Variants in CA10 observed in about 807,000 individuals in gnomAD.
CA10 encodes the protein carbonic anhydrase-related protein 10.
CA10 carries 14 observed loss-of-function variants against 44.2 expected under a neutral mutation model. That is an observed-to-expected ratio of 0.32 (90% confidence interval 0.21 to 0.50). CA10 has a LOEUF of 0.50. Among genes scored for constraint, CA10 ranks in the 20% least tolerant of loss-of-function variants. The pLI is 0.99. For missense variants in CA10, 350 were observed against 409.7 expected (o/e 0.85, Z 1.26); for synonymous variants, 159 against 141.6 (o/e 1.12, Z -0.87).
At chr17:51,869,434 A>T (rs753215141) in intron 3 of CA10, among the ~76,000 whole-genome samples, 34 of 152,140 alleles carry the variant, frequency 2.2e-4, no homozygotes, top group Non-Finnish European at 3.7e-4. Context: ...GTGAAAGTTT[A>T]CTCCTGAGGC....
At chr17:52,076,643 T>C (rs534130761) in intron 1 of CA10, among the ~76,000 whole-genome samples, 2 of 152,328 alleles carry the variant, frequency 1.3e-5, no homozygotes, top group East Asian at 3.9e-4. Flanking sequence ...GGCCTCATAC[T>C]GTTTGGTAAT....
At chr17:52,057,655 A>G (rs1394008738) in intron 2 of CA10, among the ~76,000 whole-genome samples, 1 of 152,064 alleles carries the variant, frequency 6.6e-6, no homozygotes, top group Non-Finnish European at 1.5e-5. Context: ...TGTATTGTTA[A>G]AACTCAACAG....
intron 1 of CA10, among the ~76,000 whole-genome samples, chr17:52,116,915 C>T (rs1988910129): frequency 6.6e-6 from 1 of 152,072 alleles, no homozygotes; most frequent in Non-Finnish European, 1.5e-5. Context: ...ATCTGGTATG[C>T]TTTGCGTGTC....
intron 3 of CA10, among the ~76,000 whole-genome samples, chr17:51,905,210 C>CA (rs1457378211): frequency 6.6e-6 from 1 of 152,116 alleles, no homozygotes; most frequent in African/African-American, 2.4e-5. Flanking sequence ...TTCCCTGTGG[C>CA]ACTAAGACAG....
chr17:51,791,206 C>T (rs1008716144), intron 3 of CA10, among the ~76,000 whole-genome samples: 3 of 152,188 alleles, frequency 2.0e-5, no homozygotes, highest in Admixed American at 1.3e-4. Context: ...AATAGAAGAG[C>T]TAGACTAAGG....
intron 1 of CA10, among the ~76,000 whole-genome samples, chr17:52,079,472 A>T (rs921074961): frequency 6.7e-6 from 1 of 149,862 alleles, no homozygotes; most frequent in African/African-American, 2.5e-5. Flanking sequence ...AAAAAAAAAA[A>T]TTCCATTATT....
chr17:51,668,042 A>G (rs1378431592), intron 4 of CA10, among the ~76,000 whole-genome samples: 2 of 152,158 alleles, frequency 1.3e-5, no homozygotes, highest in African/African-American at 4.8e-5. Context: ...CCCAGGCCCA[A>G]CCATTCAGCA....
intron 3 of CA10, among the ~76,000 whole-genome samples, chr17:51,892,671 T>A (rs995203888): frequency 7.9e-5 from 12 of 152,136 alleles, no homozygotes; most frequent in Admixed American, 7.2e-4. Context: ...GCTAAGGCAG[T>A]TGGTGTGTTA....
intron 2 of CA10, 119 bp downstream of exon 2, chr17:52,072,200 A>G: frequency 1.5e-6 from 1 of 663,396 alleles, no homozygotes; most frequent in Non-Finnish European, 2.6e-6. Flanking sequence ...TTGATGGAGT[A>G]TTCATTGCAC....
chr17:52,028,344 T>C (rs1986362223), intron 2 of CA10, among the ~76,000 whole-genome samples: 1 of 152,190 alleles, frequency 6.6e-6, no homozygotes, highest in Non-Finnish European at 1.5e-5. Flanking sequence ...ATCCAATTAA[T>C]AGAAAAAGTA....
chr17:52,115,475 C>T (rs954047755), intron 1 of CA10, among the ~76,000 whole-genome samples: 2 of 152,174 alleles, frequency 1.3e-5, no homozygotes, highest in Admixed American at 6.5e-5. Flanking sequence ...CTGAGACTTG[C>T]CTTGTCACTC....
chr17:51,682,571 C>T lies in CA10; in HGVS notation c.466-28835G>A, dbSNP rs866224441. Among the ~76,000 whole-genome samples, 10 of 152,164 alleles carry T rather than the reference C, an allele frequency of 6.6e-5. No homozygotes were observed. The South Asian group carries it at 1.2e-3, about 19-fold the overall frequency. On this transcript the variant is annotated intron_variant, in intron 4 of 8. Coordinates refer to ENST00000451037, the MANE Select transcript of CA10 (RefSeq NM_020178.5). ...AGGGGATGGTGAATTACAGTTAACACAGAAAATGAAGAGAATTCAAAAAAC... is the reference window on the plus strand; with the variant it reads ...AGGGGATGGTGAATTACAGTTAACATAGAAAATGAAGAGAATTCAAAAAAC...
At chr17:51,887,872 A>G (rs192618070) in intron 3 of CA10, among the ~76,000 whole-genome samples, 14 of 151,828 alleles carry the variant, frequency 9.2e-5, no homozygotes, top group African/African-American at 3.4e-4. Context: ...AAAAAAGAAA[A>G]AAAATTAGTC....
chr17:52,148,987 A>G (rs1270760179), intron 1 of CA10, among the ~76,000 whole-genome samples: 1 of 152,180 alleles, frequency 6.6e-6, no homozygotes, highest in Non-Finnish European at 1.5e-5. Flanking sequence ...GGTATTTATT[A>G]TTATTCTAAC....
At chr17:51,772,608 G>GGGAA (rs1260897068) in intron 3 of CA10, among the ~76,000 whole-genome samples, 1 of 151,992 alleles carries the variant, frequency 6.6e-6, no homozygotes. Flanking sequence ...GTTAAAATGA[G>GGGAA]GGAAGGCCTA....
At chr17:51,850,730 A>T (rs933498519) in intron 3 of CA10, among the ~76,000 whole-genome samples, 5 of 152,180 alleles carry the variant, frequency 3.3e-5, no homozygotes, top group Admixed American at 6.5e-5. Flanking sequence ...CAGCTCTTAG[A>T]ACAGCGCCCA....
chr17:51,993,119 TGGG>T (rs1348988578), intron 2 of CA10, among the ~76,000 whole-genome samples: 1 of 152,116 alleles, frequency 6.6e-6, no homozygotes. Context: ...ACTGATGCAT[TGGG>T]TCCAGATACC....
intron 1 of CA10, among the ~76,000 whole-genome samples, chr17:52,127,333 C>A (rs12051872): frequency 6.6e-6 from 1 of 152,138 alleles, no homozygotes; most frequent in East Asian, 2.0e-4. Flanking sequence ...GGATCCACTA[C>A]AGTTTACCTA....
chr17:51,679,503 T>C (rs1038153911), intron 4 of CA10, among the ~76,000 whole-genome samples: 5 of 151,756 alleles, frequency 3.3e-5, no homozygotes, highest in Admixed American at 6.6e-5. Context: ...CCTCGTGATC[T>C]GCCCGCCTTG....
Sources: allele counts gnomAD v4.1 joint callset (sites outside exome capture counted in the v4.1 genomes callset), GRCh38; gene constraint gnomAD v4.1.1; transcripts MANE v1.5; gene names NCBI Gene and HGNC (gene_info 2026-07-23, HGNC 2026-07-21).